GALNTL6: variants seen among roughly 807,000 people sequenced by gnomAD.
The protein encoded by GALNTL6 is polypeptide N-acetylgalactosaminyltransferase-like 6.
GALNTL6 carries 46 observed loss-of-function variants against 73.7 expected under a neutral mutation model. The ratio of observed to expected loss-of-function variants is 0.62; its 90% CI spans 0.49 to 0.80. GALNTL6 has a LOEUF of 0.80. Ranked by LOEUF, GALNTL6 falls within the 30% of genes least tolerant of loss-of-function variation. GALNTL6 has a pLI of 0.00. For synonymous variants in GALNTL6, 259 were observed against 263.7 expected, an observed-to-expected ratio of 0.98 and a Z score of 0.17; for missense variants, 604 against 755.0, an observed-to-expected ratio of 0.80 and a Z score of 2.34.
chr4:172,581,699 G>A (rs995010330), intron 5 of GALNTL6, among the ~76,000 whole-genome samples: 5 of 152,026 alleles, frequency 3.3e-5, no homozygotes, highest in South Asian at 2.1e-4. Flanking sequence ...CTTTCTCCAC[G>A]CATTACCTCT....
At chr4:173,012,691 T>C (rs1423702503) in intron 11 of GALNTL6, among the ~76,000 whole-genome samples, 1 of 152,196 alleles carries the variant, frequency 6.6e-6, no homozygotes, top group African/African-American at 2.4e-5. Context: ...AGTAATATCC[T>C]CTCCCTCCTG....
chr4:172,031,483 G>A (rs1220349818), intron 2 of GALNTL6, among the ~76,000 whole-genome samples: 2 of 152,104 alleles, frequency 1.3e-5, no homozygotes, highest in African/African-American at 2.4e-5. Context: ...TTTTAAGAAT[G>A]TGCTGCTTAA....
intron 5 of GALNTL6, among the ~76,000 whole-genome samples, chr4:172,726,701 A>T (rs12511707): frequency 0.15 from 22,251 of 152,212 alleles, 1,894 homozygotes; most frequent in East Asian, 0.25. Flanking sequence ...GCTTATCATG[A>T]TCCATCCAAT....
intron 7 of GALNTL6, among the ~76,000 whole-genome samples, chr4:172,866,204 T>C (rs910575656): frequency 1.4e-4 from 21 of 152,266 alleles, no homozygotes; most frequent in African/African-American, 4.8e-4. Context: ...CTCTCTAAAA[T>C]AGAAATCTGA....
chr4:172,437,456 A>AT (rs1437028690), intron 5 of GALNTL6, among the ~76,000 whole-genome samples: 3 of 152,018 alleles, frequency 2.0e-5, no homozygotes, highest in Non-Finnish European at 4.4e-5. Flanking sequence ...CTAGAGAGAA[A>AT]TTTTTATCTC....
intron 4 of GALNTL6, among the ~76,000 whole-genome samples, chr4:172,333,941 G>A (rs1182577714): frequency 1.3e-5 from 2 of 152,110 alleles, no homozygotes; most frequent in African/African-American, 4.8e-5. Flanking sequence ...TATTGAATAG[G>A]GTGTCCTTTT....
intron 5 of GALNTL6, among the ~76,000 whole-genome samples, chr4:172,562,526 A>G (rs1354097809): frequency 6.6e-6 from 1 of 152,202 alleles, no homozygotes; most frequent in East Asian, 1.9e-4. Flanking sequence ...TGTTCAATGC[A>G]GAGATGTGGT....
intron 8 of GALNTL6, among the ~76,000 whole-genome samples, chr4:172,914,381 C>A (rs1040094297): frequency 8.5e-5 from 13 of 152,220 alleles, no homozygotes; most frequent in Non-Finnish European, 1.8e-4. Flanking sequence ...ATGACAGGAT[C>A]AAATTCACAC....
intron 3 of GALNTL6, among the ~76,000 whole-genome samples, chr4:172,280,060 T>C (rs1475713479): frequency 6.6e-6 from 1 of 152,172 alleles, no homozygotes; most frequent in Non-Finnish European, 1.5e-5. Context: ...AGCAGAATAG[T>C]AATTGTCAGG....
intron 7 of GALNTL6, among the ~76,000 whole-genome samples, chr4:172,870,907 T>C (rs1048393196): frequency 1.3e-5 from 2 of 152,150 alleles, no homozygotes; most frequent in Non-Finnish European, 2.9e-5. Flanking sequence ...GAAAAATAAG[T>C]TGGAAAGAGA....
At chr4:172,909,210 TAAG>T (rs2111258829) in intron 8 of GALNTL6, among the ~76,000 whole-genome samples, 1 of 151,412 alleles carries the variant, frequency 6.6e-6, no homozygotes, top group East Asian at 1.9e-4. Flanking sequence ...ATGAAGATCC[TAAG>T]AAGACAAATC....
At chr4:172,391,915 G>A (rs1185751465) in intron 5 of GALNTL6, among the ~76,000 whole-genome samples, 2 of 152,068 alleles carry the variant, frequency 1.3e-5, no homozygotes, top group Admixed American at 6.5e-5. Context: ...TTCCAATATC[G>A]ATTGAAAGGA....
At chr4:172,559,397 A>T (rs921599366) in intron 5 of GALNTL6, among the ~76,000 whole-genome samples, 1 of 152,114 alleles carries the variant, frequency 6.6e-6, no homozygotes, top group Non-Finnish European at 1.5e-5. Flanking sequence ...AATTTTATGG[A>T]TGCCTCTTAC....
At chr4:171,849,142 A>G (rs988852308) in intron 2 of GALNTL6, among the ~76,000 whole-genome samples, 1 of 152,176 alleles carries the variant, frequency 6.6e-6, no homozygotes, top group African/African-American at 2.4e-5. Context: ...TATTAAGCTT[A>G]ATCATTTTTA....
intron 2 of GALNTL6, among the ~76,000 whole-genome samples, chr4:172,075,846 C>G (rs572245443): frequency 6.6e-6 from 1 of 152,254 alleles, no homozygotes; most frequent in South Asian, 2.1e-4. Flanking sequence ...AGTCACCAGA[C>G]TGAGCAAGTT....
intron 5 of GALNTL6, among the ~76,000 whole-genome samples, chr4:172,465,714 T>TG (rs1484546263): frequency 2.0e-5 from 3 of 152,208 alleles, no homozygotes; most frequent in African/African-American, 7.2e-5. Context: ...CTTACATACC[T>TG]GGTCTTTGTT....
intron 7 of GALNTL6, among the ~76,000 whole-genome samples, chr4:172,820,020 C>A (rs560950791): frequency 8.6e-5 from 13 of 151,762 alleles, no homozygotes; most frequent in African/African-American, 3.1e-4. Flanking sequence ...TTTCAAAACA[C>A]GTTCAGGACA....
At chr4:172,714,605 T>A (rs1272768285) in intron 5 of GALNTL6, among the ~76,000 whole-genome samples, 1 of 152,168 alleles carries the variant, frequency 6.6e-6, no homozygotes, top group African/African-American at 2.4e-5. Flanking sequence ...TATAAGTTAT[T>A]TTCAGGAGCT....
chr4:172,115,245 C>G (rs543242998), intron 2 of GALNTL6, among the ~76,000 whole-genome samples: 3 of 152,116 alleles, frequency 2.0e-5, no homozygotes, highest in East Asian at 3.9e-4. Context: ...AGTTCTCTTT[C>G]TAAGTGTAAT....
Sources: allele counts gnomAD v4.1 joint callset (sites outside exome capture counted in the v4.1 genomes callset), GRCh38; gene constraint gnomAD v4.1.1; transcripts MANE v1.5; gene names NCBI Gene and HGNC (gene_info 2026-07-23, HGNC 2026-07-21).